The following NOLC1 variants were observed in gnomAD, a reference collection of about 807,000 sequenced individuals.
The protein encoded by NOLC1 is nucleolar and coiled-body phosphoprotein 1.
Under a neutral mutation model 73.4 loss-of-function variants are expected in NOLC1, and 37 were observed. That is an observed-to-expected ratio of 0.50 (90% CI 0.39 to 0.66). The LOEUF is 0.66. Among genes scored for constraint, NOLC1 ranks in the 30% least tolerant of loss-of-function variants. NOLC1 has a pLI of 0.00. For synonymous variants in NOLC1, 327 were observed against 302.6 expected (o/e 1.08, Z -0.84); for missense variants, 921 against 838.9 (o/e 1.10, Z -1.21).
intron 1 of NOLC1, among the ~76,000 whole-genome samples, chr10:102,155,544 T>A (rs2069581595): frequency 6.6e-6 from 1 of 151,196 alleles, no homozygotes; most frequent in Admixed American, 6.6e-5. Flanking sequence ...AGACTTACTC[T>A]GTCGCCCAGG....
chr10:102,160,883 A>G lies in NOLC1; in HGVS notation c.1531A>G (p.Lys511Glu). The change falls in exon 10 of 13, where the codon AAA becomes GAA. Residue 511 changes from lysine to glutamate, a missense_variant. Transcript: ENST00000605788. Reference protein sequence around the residue: ...AAPSKPASAKKGKAESSNSSS... With the variant: ...AAPSKPASAKEGKAESSNSSS... ...CCCTTCCAAGCCAGCCTCTGCAAAG[A>G]AAGGAAAGGCTGAGAGCAGCAACAG... 3 of 1,614,140 alleles carry G rather than the reference A, an allele frequency of 1.9e-6. No homozygotes were observed. Among genetic ancestry groups the G allele is most frequent in the Non-Finnish European group, 2.5e-6 (3 of 1,180,020 alleles).
chr10:102,153,672 C>CTTT (rs56074108), intron 1 of NOLC1, among the ~76,000 whole-genome samples: 32 of 88,142 alleles, frequency 3.6e-4, no homozygotes, highest in Middle Eastern at 5.3e-3. Context: ...AATTAGGATT[C>CTTT]TTTTTTTTTT....
At chr10:102,154,021 G>T (rs920496576) in intron 1 of NOLC1, among the ~76,000 whole-genome samples, 17 of 150,528 alleles carry the variant, frequency 1.1e-4, no homozygotes, top group East Asian at 2.0e-4. Context: ...GCTAATCTTT[G>T]TGAAGAGCTA....
intron 1 of NOLC1, 82 bp downstream of exon 1, chr10:102,152,612 G>A (rs945441194): frequency 6.3e-7 from 1 of 1,577,968 alleles, no homozygotes; most frequent in Admixed American, 1.8e-5. Context: ...TTCCAGGTGG[G>A]GAAGTCTGGG....
Position 102,159,912 on chromosome 10 carries a change from C to A in NOLC1, c.876C>A (p.Val292=), listed in dbSNP as rs774968590. ...MKNKPGPYSS[V]PPPSAPPPKK... ...TTTAAACAGGTCCCTACAGTTCAGT[C>A]CCCCCGCCTTCTGCTCCCCCACCAA... Residue 292 remains valine (V), a synonymous_variant, in exon 8 of 13, where the codon GTC becomes GTA. Coordinates refer to ENST00000605788, the MANE Select transcript of NOLC1 (RefSeq NM_004741.5). 17 of 1,597,662 alleles carry A rather than the reference C, an allele frequency of 1.1e-5. No individual in the cohort carries two copies. The highest frequency in any genetic ancestry group is 2.7e-5 in the African/African-American group (2 of 74,116).
intron 1 of NOLC1, among the ~76,000 whole-genome samples, chr10:102,154,711 T>C (rs2069561534): frequency 6.6e-6 from 1 of 151,990 alleles, no homozygotes; most frequent in Admixed American, 6.6e-5. Flanking sequence ...GTATCTTTAG[T>C]AGAGATGGGG....
At chr10:102,161,778 G>A in intron 11 of NOLC1, 55 bp from the exon 12 acceptor site, 1 of 1,558,554 alleles carries the variant, frequency 6.4e-7, no homozygotes, top group Non-Finnish European at 8.8e-7. Flanking sequence ...GTATCACTCA[G>A]GAGAACTGTT....
chr10:102,162,316 T>C lies in NOLC1; in HGVS notation c.*47T>C. On this transcript the variant is annotated 3_prime_UTR_variant, in exon 13 of 13. Coordinates refer to ENST00000605788, the MANE Select transcript of NOLC1 (RefSeq NM_004741.5). ...GCAAGGGTGATGATCGGAGACTACT[T>C]ACTTTCTCCAGTGGACCTGGGAACC... 1.3e-6 allele frequency: 2 copies of C among 1,594,228 alleles called. No individual in the cohort carries two copies. Among genetic ancestry groups the C allele is most frequent in the Non-Finnish European group, 1.7e-6 (2 of 1,168,066 alleles).
intron 1 of NOLC1, among the ~76,000 whole-genome samples, chr10:102,156,449 T>A (rs900773213): frequency 2.0e-5 from 3 of 150,040 alleles, no homozygotes; most frequent in Admixed American, 1.3e-4. Flanking sequence ...TTTTTTGAAA[T>A]GGAGTCTTGC....
intron 12 of NOLC1, 59 bp downstream of exon 12, chr10:102,161,984 A>G (rs2133763837): frequency 6.2e-7 from 1 of 1,603,460 alleles, no homozygotes; most frequent in South Asian, 1.1e-5. Flanking sequence ...AGAGAGGACA[A>G]TTCTTGGTTC....
Position 102,162,349 on chromosome 10 carries a change from C to A in NOLC1, c.*80C>A. The A allele has an allele frequency of 1.3e-6, 2 of 1,492,202 alleles. No individual in the cohort carries two copies. Among genetic ancestry groups the A allele is most frequent in the South Asian group, 1.2e-5 (1 of 80,580 alleles). 92.4% of individuals were successfully genotyped at this position (1,492,202 alleles called of 1,614,324 possible). A position where few individuals can be genotyped will look rare whatever the true frequency, so the allele number is the denominator to read the frequency against. Reference sequence around the variant, plus strand: ...CCAGTGGACCTGGGAACCCTCAGGTCTCTAGGTGAGGGTCTTGATGAGGAC... The same window carrying A: ...CCAGTGGACCTGGGAACCCTCAGGTATCTAGGTGAGGGTCTTGATGAGGAC... On this transcript the variant is annotated 3_prime_UTR_variant, in exon 13 of 13. Coordinates refer to ENST00000605788, the MANE Select transcript of NOLC1 (RefSeq NM_004741.5).
chr10:102,158,008 G>T, intron 4 of NOLC1, 41 bp from the exon 5 acceptor site: 1 of 1,590,616 alleles, frequency 6.3e-7, no homozygotes, highest in Non-Finnish European at 8.6e-7. Context: ...TGGGTACCCG[G>T]AAGCTTTTGC....
chr10:102,157,263 C>G lies in NOLC1; in HGVS notation c.251C>G (p.Ser84Cys). The G allele has an allele frequency of 6.2e-7, 1 of 1,614,160 alleles. No homozygotes were observed. Among genetic ancestry groups the G allele is most frequent in the Non-Finnish European group, 8.5e-7 (1 of 1,180,034 alleles). ...AAGAAAGCTAAGAAGAAGGCCTCATCCAGTGACAGTGAGGACAGCAGCGAG... is the reference window on the plus strand; with the variant it reads ...AAGAAAGCTAAGAAGAAGGCCTCATGCAGTGACAGTGAGGACAGCAGCGAG... ...VAKKAKKKAS[S>C]SDSEDSSEEE... The change falls in exon 3 of 13, where the codon TCC (serine) becomes TGC (cysteine). Residue 84 changes from serine (S) to cysteine (C), a missense_variant. Physicochemically the swap from Ser to Cys is moderately radical, Grantham distance 112 (BLOSUM62 -1). Transcript: ENST00000605788.
rs775497484 is a variant in NOLC1 at position 102,152,408 on chromosome 10, A to G, written c.-3A>G. ...AACGGTAGTGACGCGTATTGCCTGGAGGATGGCGGACGCCGGCATTCGCCG... is the reference window on the plus strand; with the variant it reads ...AACGGTAGTGACGCGTATTGCCTGGGGGATGGCGGACGCCGGCATTCGCCG... On this transcript the variant is annotated 5_prime_UTR_variant, in exon 1 of 13. Transcript: ENST00000605788. 6 of 1,609,322 alleles carry G rather than the reference A, an allele frequency of 3.7e-6. No individual in the cohort carries two copies. Among genetic ancestry groups the G allele is most frequent in the Middle Eastern group, 1.6e-4 (1 of 6,078 alleles).
intron 7 of NOLC1, 53 bp from the exon 8 acceptor site, chr10:102,159,843 C>A: frequency 6.9e-7 from 1 of 1,449,178 alleles, no homozygotes; most frequent in South Asian, 1.5e-5. Context: ...AAAGTAGTAT[C>A]AAAAAAAGTT....
intron 1 of NOLC1, among the ~76,000 whole-genome samples, chr10:102,153,891 T>A (rs182405152): frequency 2.2e-3 from 337 of 152,098 alleles, no homozygotes; most frequent in Middle Eastern, 0.01. Context: ...CAGGCTGGTC[T>A]TGAACTCCTG....
intron 1 of NOLC1, among the ~76,000 whole-genome samples, chr10:102,152,918 C>G (rs2069530118): frequency 2.0e-5 from 3 of 152,178 alleles, no homozygotes; most frequent in Admixed American, 2.0e-4. Flanking sequence ...TTGACCTTAG[C>G]CTCAGTCACA....
intron 5 of NOLC1, 70 bp downstream of exon 5, chr10:102,158,284 G>C (rs746837228): frequency 1.4e-6 from 2 of 1,404,800 alleles, no homozygotes; most frequent in Non-Finnish European, 2.0e-6. Context: ...TAAAATTGCC[G>C]ATTTGGCACA....
intron 6 of NOLC1, 49 bp from the exon 7 acceptor site, chr10:102,159,384 T>G: frequency 6.2e-7 from 1 of 1,613,672 alleles, no homozygotes; most frequent in Non-Finnish European, 8.5e-7. Flanking sequence ...CTGGCAGGAT[T>G]GGTTGGGTCA....
Sources: gnomAD v4.1 joint callset for allele counts (sites outside exome capture counted in the v4.1 genomes callset) on GRCh38, gnomAD v4.1.1 for gene constraint, MANE v1.5 for transcripts, NCBI Gene and HGNC (gene_info 2026-07-23, HGNC 2026-07-21) for gene names.